C5orf58: variants seen among roughly 807,000 people sequenced by gnomAD.
The protein encoded by C5orf58 is putative uncharacterized protein C5orf58.
Under a neutral mutation model 2.9 loss-of-function variants are expected in C5orf58, and 2 were observed. The observed-to-expected ratio is 0.69, with a 90% CI of 0.28 to 2.18. C5orf58 has a LOEUF of 2.18. C5orf58 is among the 30% of genes most tolerant of loss of function. The pLI, the probability that C5orf58 is intolerant of heterozygous loss-of-function variation, is 0.13. For missense variants in C5orf58, 96 were observed against 91.7 expected (o/e 1.05, Z -0.19); for synonymous variants, 37 against 33.4 (o/e 1.11, Z -0.37).
intron 3 of C5orf58, among the ~76,000 whole-genome samples, chr5:170,244,099 T>G (rs1376921883): frequency 1.3e-5 from 2 of 152,098 alleles, no homozygotes; most frequent in African/African-American, 2.4e-5. Context: ...GAATGTTGAA[T>G]ATTGGCCCCC....
At chr5:170,245,289 G>C (rs1227373007) in intron 3 of C5orf58, among the ~76,000 whole-genome samples, 1 of 152,218 alleles carries the variant, frequency 6.6e-6, no homozygotes, top group African/African-American at 2.4e-5. Flanking sequence ...TTTGAGCTGT[G>C]GTGGGCTCCA....
At chr5:170,249,381 T>G (rs1005108295), downstream of C5orf58, among the ~76,000 whole-genome samples, 1 of 55,240 alleles carries the variant, frequency 1.8e-5, no homozygotes, top group Non-Finnish European at 5.4e-5. Flanking sequence ...TATATATATA[T>G]CTACATATCT....
At chr5:170,237,360 T>A (rs1317403887) in intron 3 of C5orf58, 2 of 398,198 alleles carry the variant, frequency 5.0e-6, no homozygotes, top group African/African-American at 4.1e-5. Context: ...ATCATAATCC[T>A]ATGAGGTAGG....
At chr5:170,247,667 C>CTT (rs1761328761), downstream of C5orf58, 1 of 152,140 alleles carries the variant, frequency 6.6e-6, no homozygotes, top group Admixed American at 6.5e-5. Flanking sequence ...CCTCAAAGCA[C>CTT]TTATACAGCC....
At position 170,236,587 on chromosome 5, in the gene C5orf58, TG is replaced by T. The variant is rs563537649; in HGVS notation, c.94+1519del. On this transcript the variant is annotated intron_variant, in intron 3 of 3. Transcript: ENST00000593851. ...AGGATAAAGTCTAAACATCTTAGAA[TG>T]GACTATATGACCTGCTCAGATCATT... Among the ~76,000 whole-genome samples the T allele has an allele frequency of 1.4e-3, 206 of 152,366 alleles. 2 individuals are homozygous for T. Among genetic ancestry groups the T allele is most frequent in the Non-Finnish European group, 2.1e-3 (146 of 68,036 alleles).
chr5:170,233,960 A>T (rs1382907370), intron 1 of C5orf58, 155 bp from the exon 2 acceptor site: 1 of 379,700 alleles, frequency 2.6e-6, no homozygotes, highest in Non-Finnish European at 5.2e-6. Context: ...CTTTAATTCC[A>T]CCACTCCACC....
At chr5:170,239,950 A>G (rs1054096537) in intron 3 of C5orf58, among the ~76,000 whole-genome samples, 9 of 105,114 alleles carry the variant, frequency 8.6e-5, no homozygotes, top group African/African-American at 3.4e-4. Flanking sequence ...CACAGTTCCC[A>G]GAGTGTGATA....
downstream of C5orf58, chr5:170,248,921 G>A: frequency 1.7e-6 from 2 of 1,182,376 alleles, no homozygotes; most frequent in Non-Finnish European, 2.4e-6. Context: ...CTCTTCAAGT[G>A]ATGAGGATTG....
At chr5:170,251,955 C>T (rs954136976) in exon 3 of C5orf58, 21 of 246,362 alleles carry the variant, frequency 8.5e-5, no homozygotes, top group South Asian at 4.6e-4. Flanking sequence ...GCACTGGCTA[C>T]GGGAAATATG....
At chr5:170,241,262 C>G (rs1760993808) in intron 3 of C5orf58, among the ~76,000 whole-genome samples, 1 of 151,940 alleles carries the variant, frequency 6.6e-6, no homozygotes, top group East Asian at 1.9e-4. Flanking sequence ...GATGCGGGCT[C>G]TTTTTTTGGT....
downstream of C5orf58, chr5:170,251,038 C>A: frequency 1.7e-6 from 1 of 603,316 alleles, no homozygotes; most frequent in Non-Finnish European, 2.9e-6. Flanking sequence ...AACGAACATT[C>A]AGTTCTCCAA....
At chr5:170,251,742 T>C (rs1157991756) in exon 3 of C5orf58, 1 of 448,124 alleles carries the variant, frequency 2.2e-6, no homozygotes, top group Non-Finnish European at 4.5e-6. Flanking sequence ...CCTGGGAAGT[T>C]TGAAGACTCC....
At chr5:170,233,088 C>T in intron 1 of C5orf58, 81 bp downstream of exon 1, 2 of 623,514 alleles carry the variant, frequency 3.2e-6, no homozygotes, top group Non-Finnish European at 4.0e-6. Flanking sequence ...TCCAGGCTGC[C>T]CGAGGCTCCA....
downstream of C5orf58, among the ~76,000 whole-genome samples, chr5:170,250,399 G>A (rs570554137): frequency 1.3e-5 from 2 of 152,242 alleles, no homozygotes; most frequent in South Asian, 2.1e-4. Flanking sequence ...TGCAGCCTAC[G>A]TTAAAATTAT....
At chr5:170,239,456 C>G (rs996940989) in intron 3 of C5orf58, among the ~76,000 whole-genome samples, 4 of 150,668 alleles carry the variant, frequency 2.7e-5, no homozygotes, top group Non-Finnish European at 5.9e-5. Context: ...CACCACCCCA[C>G]CACTCCCCAC....
chr5:170,234,803 AT>A (rs1452424194), intron 2 of C5orf58, 173 bp from the exon 3 acceptor site: 2 of 412,450 alleles, frequency 4.8e-6, no homozygotes, highest in Non-Finnish European at 8.7e-6. Flanking sequence ...AGTTGGAAAA[AT>A]ATTACATAAC....
In C5orf58 at chr5:170,237,376, T is replaced by C. The variant is rs59313584; in HGVS notation, c.94+2306T>C. 1,286 of 398,218 alleles carry C rather than the reference T, an allele frequency of 3.2e-3. 21 individuals carry two copies. Among genetic ancestry groups the C allele is most frequent in the African/African-American group, 0.024 (1,173 of 48,748 alleles). 24.7% of individuals were successfully genotyped at this position (398,218 alleles called of 1,614,324 possible). A position where few individuals can be genotyped will look rare whatever the true frequency, so the allele number is the denominator to read the frequency against. On this transcript the variant is annotated intron_variant, in intron 3 of 3. Coordinates refer to ENST00000593851, the MANE Select transcript of C5orf58 (RefSeq NM_001102609.3). ...TCATAATCCTATGAGGTAGGAACTA[T>C]TGCCATTGGCATTTACAGATGTGTA...
At chr5:170,239,694 T>C (rs1429850781) in intron 3 of C5orf58, among the ~76,000 whole-genome samples, 1 of 152,182 alleles carries the variant, frequency 6.6e-6, no homozygotes, top group Non-Finnish European at 1.5e-5. Flanking sequence ...TGCAGTTTAG[T>C]GATATAGCCG....
At chr5:170,250,946 A>G (rs889019776), downstream of C5orf58, 2 of 1,405,458 alleles carry the variant, frequency 1.4e-6, no homozygotes, top group Non-Finnish European at 2.0e-6. Context: ...TGTTGCTTGT[A>G]AGAGTAGTAG....
Sources: allele counts gnomAD v4.1 joint callset (sites outside exome capture counted in the v4.1 genomes callset), GRCh38; gene constraint gnomAD v4.1.1; transcripts MANE v1.5; gene names NCBI Gene and HGNC (gene_info 2026-07-23, HGNC 2026-07-21).